ASTN2: variants seen among roughly 807,000 people sequenced by gnomAD.
ASTN2 encodes astrotactin-2.
In ASTN2, 54 loss-of-function variants were observed where a neutral mutation model predicts 139.8. That is an observed-to-expected ratio of 0.39 (90% confidence interval 0.31 to 0.48). The LOEUF (loss-of-function observed/expected upper bound fraction) is 0.48. Among genes scored for constraint, ASTN2 ranks in the 20% least tolerant of loss-of-function variants. The probability of loss-of-function intolerance (pLI) is 0.95; values close to 1 mark genes in which losing one functional copy is unlikely to be tolerated. For synonymous variants in ASTN2, 756 were observed against 719.5 expected (o/e 1.05, Z -0.81); for missense variants, 1,565 against 1,725.1 (o/e 0.91, Z 1.64).
At chr9:117,144,009 T>C (rs778673850) in intron 3 of ASTN2, among the ~76,000 whole-genome samples, 1 of 152,168 alleles carries the variant, frequency 6.6e-6, no homozygotes, top group African/African-American at 2.4e-5. Context: ...TGTGACTGTA[T>C]TTGGAGGTGA....
intron 2 of ASTN2, among the ~76,000 whole-genome samples, chr9:117,285,772 G>A (rs1164162791): frequency 1.3e-5 from 2 of 152,250 alleles, no homozygotes; most frequent in South Asian, 2.1e-4. Context: ...TTGTCCTGTC[G>A]TGCATGAGAA....
chr9:116,565,106 C>A (rs1853114072), intron 19 of ASTN2, among the ~76,000 whole-genome samples: 1 of 151,572 alleles, frequency 6.6e-6, no homozygotes, highest in Middle Eastern at 3.4e-3. Flanking sequence ...ATATATTTTC[C>A]ATCCCAACCT....
chr9:116,972,446 C>T (rs1427201616), intron 10 of ASTN2, among the ~76,000 whole-genome samples: 1 of 151,406 alleles, frequency 6.6e-6, no homozygotes, highest in Non-Finnish European at 1.5e-5. Flanking sequence ...TGCTTCTATT[C>T]GTATTTTTGT....
At chr9:117,163,763 A>G (rs1830605605) in intron 3 of ASTN2, among the ~76,000 whole-genome samples, 1 of 152,036 alleles carries the variant, frequency 6.6e-6, no homozygotes, top group African/African-American at 2.4e-5. Flanking sequence ...TTGACCATTA[A>G]TAAGTCTTTT....
chr9:117,354,440 C>G (rs1829479852), intron 1 of ASTN2, among the ~76,000 whole-genome samples: 1 of 152,156 alleles, frequency 6.6e-6, no homozygotes, highest in Non-Finnish European at 1.5e-5. Context: ...GCTCACCTTT[C>G]TACCAGAACT....
intron 4 of ASTN2, among the ~76,000 whole-genome samples, chr9:117,118,375 G>C (rs1428410537): frequency 6.6e-6 from 1 of 151,252 alleles, no homozygotes; most frequent in East Asian, 1.9e-4. Context: ...TCCTCTCCTA[G>C]AGGACAGCCA....
chr9:117,295,101 C>T (rs1834696127), intron 1 of ASTN2, among the ~76,000 whole-genome samples: 1 of 152,124 alleles, frequency 6.6e-6, no homozygotes, highest in Admixed American at 6.5e-5. Context: ...GCAGGCGGAT[C>T]ACTTGAAGCC....
At chr9:117,090,824 T>C (rs1828688071) in intron 5 of ASTN2, among the ~76,000 whole-genome samples, 1 of 152,216 alleles carries the variant, frequency 6.6e-6, no homozygotes, top group Non-Finnish European at 1.5e-5. Flanking sequence ...ATTTCTCTCA[T>C]GGGATATGCT....
At chr9:116,617,114 A>T (rs1010374655) in intron 19 of ASTN2, among the ~76,000 whole-genome samples, 4 of 152,044 alleles carry the variant, frequency 2.6e-5, no homozygotes, top group Admixed American at 2.6e-4. Context: ...ATCCCAGGAA[A>T]CCTATTAGCA....
chr9:116,910,930 C>G (rs551868121), intron 10 of ASTN2, among the ~76,000 whole-genome samples: 6 of 152,270 alleles, frequency 3.9e-5, no homozygotes, highest in African/African-American at 1.2e-4. Flanking sequence ...CCAGTCTGAG[C>G]AGCTCAAAGA....
chr9:117,232,015 T>C (rs962876404), intron 2 of ASTN2, among the ~76,000 whole-genome samples: 4 of 152,076 alleles, frequency 2.6e-5, no homozygotes, highest in African/African-American at 4.8e-5. Flanking sequence ...AGAAGATCTG[T>C]GGAGACAGAG....
At chr9:116,640,857 T>C (rs1283415681) in intron 17 of ASTN2, among the ~76,000 whole-genome samples, 1 of 152,166 alleles carries the variant, frequency 6.6e-6, no homozygotes, top group Non-Finnish European at 1.5e-5. Flanking sequence ...CAGGAGACTA[T>C]TGAAATAGTA....
intron 19 of ASTN2, among the ~76,000 whole-genome samples, chr9:116,549,422 C>T (rs768320766): frequency 6.6e-6 from 1 of 152,184 alleles, no homozygotes; most frequent in African/African-American, 2.4e-5. Flanking sequence ...CTTGGCTGTA[C>T]AGTTCGTATT....
chr9:116,770,352 T>A (rs528482762), intron 13 of ASTN2, among the ~76,000 whole-genome samples: 16 of 152,296 alleles, frequency 1.1e-4, no homozygotes, highest in African/African-American at 3.8e-4. Context: ...CTCACCTACA[T>A]CTTCTACAGG....
At chr9:116,492,651 CT>C (rs992300955) in intron 19 of ASTN2, among the ~76,000 whole-genome samples, 1 of 152,080 alleles carries the variant, frequency 6.6e-6, no homozygotes, top group African/African-American at 2.4e-5. Flanking sequence ...CACAGGAGCC[CT>C]TCCTCCCCAA....
chr9:117,193,653 AAAAG>A (rs1239448149), intron 3 of ASTN2, among the ~76,000 whole-genome samples: 5 of 149,808 alleles, frequency 3.3e-5, no homozygotes, highest in African/African-American at 7.4e-5. Flanking sequence ...AAAAAAAAAA[AAAAG>A]AAAAAGAAAA....
At chr9:116,541,619 A>G (rs1022625338) in intron 19 of ASTN2, among the ~76,000 whole-genome samples, 4 of 152,210 alleles carry the variant, frequency 2.6e-5, no homozygotes, top group Admixed American at 1.3e-4. Context: ...GAAACACTGC[A>G]CCAGATTGGG....
In ASTN2 at chr9:117,016,638, A is replaced by C. The variant is rs1238487873; in HGVS notation, c.1424-8379T>G. ...TATCTATCTATCTATATATATATAT[A>C]TATATATATATATATATAACCTATA... is the stretch of plus-strand genomic sequence containing the variant. On this transcript the variant is annotated intron_variant, in intron 6 of 22. Transcript: ENST00000313400. Among the ~76,000 whole-genome samples the C allele has an allele frequency of 3.3e-4, 11 of 33,260 alleles. 1 individual carries two copies. The highest frequency in any genetic ancestry group is 7.2e-4 in the Admixed American group (2 of 2,766). 21.8% of individuals were successfully genotyped at this position (33,260 alleles called of 152,430 possible).
At chr9:117,063,159 T>C (rs949983802) in intron 5 of ASTN2, among the ~76,000 whole-genome samples, 27 of 152,240 alleles carry the variant, frequency 1.8e-4, no homozygotes, top group African/African-American at 6.0e-4. Flanking sequence ...AGTTAAAATA[T>C]ATTCCATGGT....
Sources: allele counts gnomAD v4.1 joint callset (sites outside exome capture counted in the v4.1 genomes callset), GRCh38; gene constraint gnomAD v4.1.1; transcripts MANE v1.5; gene names NCBI Gene and HGNC (gene_info 2026-07-23, HGNC 2026-07-21).